EPHA6: variants seen among roughly 807,000 people sequenced by gnomAD.
The protein encoded by EPHA6 is ephrin type-A receptor 6.
A neutral mutation model predicts 112.0 loss-of-function variants in EPHA6; 50 were observed. The observed-to-expected ratio is 0.45, with a 90% confidence interval of 0.36 to 0.56. The LOEUF (loss-of-function observed/expected upper bound fraction) is 0.56, where lower values mean the gene tolerates loss of function less well. EPHA6 is among the 20% of genes least tolerant of loss of function. EPHA6 has a pLI of 0.00. For missense variants in EPHA6, 1,280 were observed against 1,417.4 expected (o/e 0.90, Z 1.56); for synonymous variants, 529 against 490.7 (o/e 1.08, Z -1.03).
chr3:97,494,392 T>C (rs914795011), intron 10 of EPHA6, among the ~76,000 whole-genome samples: 3 of 152,208 alleles, frequency 2.0e-5, no homozygotes, highest in Admixed American at 6.5e-5. Context: ...TCCCTAAAAT[T>C]TGGAGTCATT....
chr3:97,002,860 G>A (rs1413286272), intron 3 of EPHA6, among the ~76,000 whole-genome samples: 1 of 151,988 alleles, frequency 6.6e-6, no homozygotes, highest in African/African-American at 2.4e-5. Context: ...ATTAAAATGT[G>A]TTTAAAGGAC....
chr3:97,386,757 T>C (rs1437156756), intron 5 of EPHA6, among the ~76,000 whole-genome samples: 3 of 152,220 alleles, frequency 2.0e-5, no homozygotes, highest in Non-Finnish European at 4.4e-5. Flanking sequence ...ATCCCAACAT[T>C]TGCCCTTTGC....
intron 5 of EPHA6, among the ~76,000 whole-genome samples, chr3:97,383,517 C>T (rs1220633812): frequency 6.6e-6 from 1 of 152,006 alleles, no homozygotes; most frequent in Non-Finnish European, 1.5e-5. Context: ...CAATGGATGA[C>T]ATGAAATTTT....
intron 3 of EPHA6, among the ~76,000 whole-genome samples, chr3:97,194,395 T>A (rs1178828537): frequency 6.6e-6 from 1 of 151,614 alleles, no homozygotes; most frequent in African/African-American, 2.4e-5. Flanking sequence ...CCTCTGGTTG[T>A]TGATTCCTAG....
In EPHA6 at chr3:97,460,629, A is replaced by T. The variant is rs562973035; in HGVS notation, c.1894+11899A>T. On this transcript the variant is annotated intron_variant, in intron 7 of 17. Coordinates refer to ENST00000389672, the MANE Select transcript of EPHA6 (RefSeq NM_001080448.3). ...CATAGTTGAAGGCTCATAGCTGCAG[A>T]CATTGCCCCTGGCCAAAAGAAGCTA... Among the ~76,000 whole-genome samples, 78 of 152,346 alleles carry T rather than the reference A, an allele frequency of 5.1e-4. 1 individual carries two copies. In the South Asian group the frequency reaches 0.016, roughly 31 times the overall value.
intron 5 of EPHA6, among the ~76,000 whole-genome samples, chr3:97,309,950 TG>T (rs2108749344): frequency 6.6e-6 from 1 of 151,858 alleles, no homozygotes; most frequent in East Asian, 1.9e-4. Flanking sequence ...ATAATAACTT[TG>T]AACTATCAAA....
intron 11 of EPHA6, among the ~76,000 whole-genome samples, chr3:97,541,737 T>TTG (rs2092856077): frequency 6.8e-6 from 1 of 147,062 alleles, no homozygotes; most frequent in Non-Finnish European, 1.5e-5. Flanking sequence ...GTTTTTTTTT[T>TTG]TTTGTTTGTT....
intron 14 of EPHA6, among the ~76,000 whole-genome samples, chr3:97,698,166 C>A (rs1420592062): frequency 3.3e-5 from 5 of 152,080 alleles, no homozygotes; most frequent in Non-Finnish European, 7.4e-5. Flanking sequence ...CCATGCCCGG[C>A]TAATTTTGTA....
chr3:96,987,251 CAAAA>C, intron 2 of EPHA6, 75 bp from the exon 3 acceptor site: 1 of 1,316,876 alleles, frequency 7.6e-7, no homozygotes, highest in Non-Finnish European at 1.0e-6. Context: ...TTTGGTAAAA[CAAAA>C]AAAATTGTAA....
chr3:97,383,537 T>A (rs549040196), intron 5 of EPHA6, among the ~76,000 whole-genome samples: 1 of 152,240 alleles, frequency 6.6e-6, no homozygotes, highest in African/African-American at 2.4e-5. Flanking sequence ...TTATGTCTAT[T>A]CACTGATGTA....
At chr3:96,911,395 G>A (rs2039206956) in intron 2 of EPHA6, among the ~76,000 whole-genome samples, 1 of 151,740 alleles carries the variant, frequency 6.6e-6, no homozygotes, top group Non-Finnish European at 1.5e-5. Context: ...TTTTTATTGT[G>A]GAAAGCTTTA....
At chr3:96,893,978 A>G (rs1342994857) in intron 2 of EPHA6, among the ~76,000 whole-genome samples, 1 of 152,248 alleles carries the variant, frequency 6.6e-6, no homozygotes, top group Non-Finnish European at 1.5e-5. Context: ...ATTACTTGTC[A>G]TAGAAAATCT....
At chr3:97,063,742 T>TA (rs1482269229) in intron 3 of EPHA6, among the ~76,000 whole-genome samples, 3 of 151,998 alleles carry the variant, frequency 2.0e-5, no homozygotes, top group Non-Finnish European at 2.9e-5. Flanking sequence ...AGGAGAAGCA[T>TA]AAAAAATAGT....
At chr3:97,615,028 G>A (rs535504530) in intron 13 of EPHA6, among the ~76,000 whole-genome samples, 16 of 152,260 alleles carry the variant, frequency 1.1e-4, no homozygotes, top group African/African-American at 3.6e-4. Flanking sequence ...GAATGAAAGA[G>A]GTGAATAATA....
intron 4 of EPHA6, among the ~76,000 whole-genome samples, chr3:97,242,382 C>A (rs1394879105): frequency 6.6e-6 from 1 of 151,784 alleles, no homozygotes; most frequent in Non-Finnish European, 1.5e-5. Flanking sequence ...AATATTTTTC[C>A]CACCCCTCTG....
At chr3:97,664,471 G>A (rs897543432) in intron 14 of EPHA6, among the ~76,000 whole-genome samples, 1 of 152,064 alleles carries the variant, frequency 6.6e-6, no homozygotes, top group Non-Finnish European at 1.5e-5. Context: ...TTCTGGCCAG[G>A]GCAATCAGGC....
intron 3 of EPHA6, among the ~76,000 whole-genome samples, chr3:97,100,306 A>T (rs908114234): frequency 2.0e-5 from 3 of 150,958 alleles, no homozygotes; most frequent in African/African-American, 7.3e-5. Flanking sequence ...AGTTTTGATG[A>T]CACAATAGTA....
At chr3:97,463,069 A>C (rs1350220873) in intron 7 of EPHA6, among the ~76,000 whole-genome samples, 1 of 152,130 alleles carries the variant, frequency 6.6e-6, no homozygotes, top group African/African-American at 2.4e-5. Context: ...GAATAGTCCA[A>C]ATTTCATGTT....
chr3:97,040,327 A>G (rs1461864163), intron 3 of EPHA6, among the ~76,000 whole-genome samples: 5 of 151,992 alleles, frequency 3.3e-5, no homozygotes, highest in Admixed American at 2.6e-4. Flanking sequence ...GTATTATAAA[A>G]TGGGTTTTCT....
Sources: gnomAD v4.1 joint callset for allele counts (sites outside exome capture counted in the v4.1 genomes callset) on GRCh38, gnomAD v4.1.1 for gene constraint, MANE v1.5 for transcripts, NCBI Gene and HGNC (gene_info 2026-07-23, HGNC 2026-07-21) for gene names.